SDAD1: variants seen among roughly 807,000 people sequenced by gnomAD.
The protein encoded by SDAD1 is protein SDA1 homolog.
A neutral mutation model predicts 100.3 loss-of-function variants in SDAD1; 79 were observed. The ratio of observed to expected loss-of-function variants is 0.79; its 90% CI spans 0.66 to 0.95. SDAD1 has a LOEUF of 0.95. SDAD1 is among the 40% of genes least tolerant of loss of function. The pLI is 0.00. For missense variants in SDAD1, 790 were observed against 810.9 expected (o/e 0.97, Z 0.31); for synonymous variants, 267 against 271.4 (o/e 0.98, Z 0.16).
At chr4:75,973,735 G>A (rs745919828) in intron 7 of SDAD1, among the ~76,000 whole-genome samples, 110 of 152,140 alleles carry the variant, frequency 7.2e-4, no homozygotes, top group African/African-American at 2.4e-3. Flanking sequence ...GAAGCCCAAC[G>A]GAAGTCAAGA....
At chr4:75,966,928 G>A (rs141578179) in intron 12 of SDAD1, among the ~76,000 whole-genome samples, 1,964 of 152,126 alleles carry the variant, frequency 0.013, 18 homozygotes, top group Non-Finnish European at 0.021. Context: ...CACCACATCC[G>A]GCTAATTTTT....
At chr4:75,988,580 TA>T (rs1336358864) in intron 1 of SDAD1, among the ~76,000 whole-genome samples, 8 of 152,210 alleles carry the variant, frequency 5.3e-5, no homozygotes, top group Non-Finnish European at 1.2e-4. Context: ...TTATTTAACA[TA>T]CTATATTATT....
chr4:75,958,395 G>A (rs567758681), intron 17 of SDAD1, among the ~76,000 whole-genome samples: 2 of 152,292 alleles, frequency 1.3e-5, no homozygotes, highest in African/African-American at 4.8e-5. Context: ...TGTTACCCAC[G>A]TATGAGAATC....
intron 1 of SDAD1, among the ~76,000 whole-genome samples, chr4:75,986,784 TG>T (rs916200682): frequency 6.6e-6 from 1 of 152,176 alleles, no homozygotes; most frequent in African/African-American, 2.4e-5. Context: ...TCCAGCACTT[TG>T]GGAGGCTGAG....
In SDAD1 at chr4:75,977,516, C is replaced by CCAT. The variant is rs1730219725; in HGVS notation, c.405+129_405+130insATG. Reference sequence around the variant, plus strand: ...AAATATGGCTATTAACACCATATAGCATGCACACAATGGTTGCTTTTTCCT... The same window carrying CCAT: ...AAATATGGCTATTAACACCATATAGCCATATGCACACAATGGTTGCTTTTTCCT... On this transcript the variant is annotated intron_variant, in intron 4 of 21. Transcript: ENST00000356260. 4.4e-6 allele frequency: 3 copies of CCAT among 689,296 alleles called. No homozygotes were observed. The Admixed American group carries it at 7.3e-5, about 17-fold the overall frequency. 42.7% of individuals were successfully genotyped at this position (689,296 alleles called of 1,614,324 possible). A position where few individuals can be genotyped will look rare whatever the true frequency, so the allele number is the denominator to read the frequency against.
chr4:75,990,071 C>T (rs1288143504), intron 1 of SDAD1, among the ~76,000 whole-genome samples: 3 of 152,114 alleles, frequency 2.0e-5, no homozygotes, highest in Non-Finnish European at 4.4e-5. Flanking sequence ...TTCGTTTTGT[C>T]GGTACTTGGT....
At chr4:75,966,796 G>A (rs993434615) in intron 12 of SDAD1, among the ~76,000 whole-genome samples, 3 of 152,172 alleles carry the variant, frequency 2.0e-5, no homozygotes, top group Non-Finnish European at 2.9e-5. Flanking sequence ...TTGAGACAGA[G>A]TTTTGCTCTG....
At position 75,990,932 on chromosome 4, in the gene SDAD1, G is replaced by A. The variant is rs909164681; in HGVS notation, c.-91C>T. ...TCCCTGCCAGCTGCAGCTTGGACTC[G>A]TGTTTCCGGGTATGACCGGAAATAG... On this transcript the variant is annotated 5_prime_UTR_variant, in exon 1 of 22. The change creates a new upstream start codon in the 5' untranslated region. Coordinates refer to ENST00000356260, the MANE Select transcript of SDAD1 (RefSeq NM_018115.4). The A allele has an allele frequency of 2.7e-6, 4 of 1,486,688 alleles. No homozygotes were observed. Among genetic ancestry groups the A allele is most frequent in the Non-Finnish European group, 3.7e-6 (4 of 1,074,590 alleles). 92.1% of individuals were successfully genotyped at this position (1,486,688 alleles called of 1,614,324 possible). A position where few individuals can be genotyped will look rare whatever the true frequency, so the allele number is the denominator to read the frequency against.
At chr4:75,959,525 A>G (rs1220172498) in intron 17 of SDAD1, among the ~76,000 whole-genome samples, 2 of 151,962 alleles carry the variant, frequency 1.3e-5, no homozygotes, top group Admixed American at 6.6e-5. Flanking sequence ...GATCGCTTGA[A>G]CCTGGGAGAT....
Position 75,969,501 on chromosome 4 carries a change from C to CT in SDAD1, c.884-103dup, listed in dbSNP as rs1729743980. 14 of 712,968 alleles carry CT rather than the reference C, an allele frequency of 2.0e-5. No homozygotes were observed. In the South Asian group the frequency reaches 2.6e-4, roughly 13 times the overall value. 44.2% of individuals were successfully genotyped at this position (712,968 alleles called of 1,614,324 possible). A position where few individuals can be genotyped will look rare whatever the true frequency, so the allele number is the denominator to read the frequency against. On this transcript the variant is annotated intron_variant, in intron 10 of 21. Transcript: ENST00000356260. ...GACAATAGTTAGATCAGTGAATAGA[C>CT]TGACAAACAGGTGAATATGTCAATA...
At chr4:75,967,115 G>A (rs562566412) in intron 12 of SDAD1, among the ~76,000 whole-genome samples, 162 bp downstream of exon 12, 20 of 152,242 alleles carry the variant, frequency 1.3e-4, no homozygotes, top group South Asian at 2.1e-4. Flanking sequence ...TGAGGGTAAC[G>A]ACAAACCCAT....
chr4:75,971,805 G>C (rs1394636151), intron 8 of SDAD1, among the ~76,000 whole-genome samples: 1 of 152,128 alleles, frequency 6.6e-6, no homozygotes, highest in East Asian at 1.9e-4. Flanking sequence ...CCAGAAGGGG[G>C]AAGTTACAGT....
intron 1 of SDAD1, 59 bp from the exon 2 acceptor site, chr4:75,982,096 A>C: frequency 1.0e-6 from 1 of 977,032 alleles, no homozygotes; most frequent in Non-Finnish European, 1.6e-6. Flanking sequence ...CTCAGTACAG[A>C]CATTCAGTAG....
chr4:75,981,501 GCTCT>G, intron 2 of SDAD1, 31 bp from the exon 3 acceptor site: 1 of 1,612,498 alleles, frequency 6.2e-7, no homozygotes, highest in Non-Finnish European at 8.5e-7. Context: ...TTCTGAAGTT[GCTCT>G]CTTTCTCTCC....
intron 3 of SDAD1, chr4:75,980,725 T>C (rs1015941044): frequency 1.6e-4 from 24 of 152,830 alleles, no homozygotes; most frequent in African/African-American, 5.5e-4. Context: ...GGCTGGGCTT[T>C]TGTACCACAT....
chr4:75,977,706 T>G lies in SDAD1; in HGVS notation c.345A>C (p.Pro115=). The G allele has an allele frequency of 1.2e-6, 2 of 1,613,490 alleles. No individual in the cohort carries two copies. The highest frequency in any genetic ancestry group is 1.7e-6 in the Non-Finnish European group (2 of 1,179,816). Residue 115 remains proline (P), a synonymous_variant, in exon 4 of 22, where the codon CCA becomes CCC. Transcript: ENST00000356260. ...CAAAGAAGAGTTCTAGCAGGCTTGA[T>G]GGATTGATGAGATTCTTATTTCTCA... ...ILLRNKNLIN[P]SSLLELFFEL... is the part of the protein sequence containing the mutation.
At chr4:75,964,064 A>G in intron 14 of SDAD1, 71 bp downstream of exon 14, 3 of 1,006,808 alleles carry the variant, frequency 3.0e-6, no homozygotes, top group South Asian at 2.6e-5. Flanking sequence ...ACAATCTTAC[A>G]TCTTGGTAAC....
intron 1 of SDAD1, among the ~76,000 whole-genome samples, chr4:75,983,553 G>C (rs1730679230): frequency 6.6e-6 from 1 of 152,128 alleles, no homozygotes; most frequent in African/African-American, 2.4e-5. Flanking sequence ...GTGCTGATGA[G>C]CTTTTTTTCA....
chr4:75,983,329 A>G (rs535386576), intron 1 of SDAD1, among the ~76,000 whole-genome samples: 2 of 152,294 alleles, frequency 1.3e-5, no homozygotes, highest in South Asian at 4.1e-4. Context: ...GGCTGGGTCA[A>G]ATGGTATTTC....
Sources: gnomAD v4.1 joint callset for allele counts (sites outside exome capture counted in the v4.1 genomes callset) on GRCh38, gnomAD v4.1.1 for gene constraint, MANE v1.5 for transcripts, NCBI Gene and HGNC (gene_info 2026-07-23, HGNC 2026-07-21) for gene names.